CHRM3: variants seen among roughly 807,000 people sequenced by gnomAD.
The protein encoded by CHRM3 is cholinergic receptor muscarinic 3, also known as muscarinic acetylcholine receptor M3.
Under a neutral mutation model 41.8 loss-of-function variants are expected in CHRM3, and 11 were observed. That is an observed-to-expected ratio of 0.26 (90% CI 0.17 to 0.44). The LOEUF is 0.44. Ranked by LOEUF, CHRM3 falls within the 20% of genes least tolerant of loss-of-function variation. The pLI is 1.00. For synonymous variants in CHRM3, 297 were observed against 301.4 expected (o/e 0.99, Z 0.15); for missense variants, 571 against 745.4 (o/e 0.77, Z 2.72).
chr1:239,526,673 T>C (rs1218672), intron 2 of CHRM3, among the ~76,000 whole-genome samples: 70,330 of 152,016 alleles, frequency 0.46, 17,075 homozygotes, highest in Middle Eastern at 0.63. Context: ...ATTTCTGGAT[T>C]AGCGAAAAAG....
chr1:239,419,361 C>G (rs1572231028), intron 1 of CHRM3, among the ~76,000 whole-genome samples: 1 of 136,054 alleles, frequency 7.4e-6, no homozygotes, highest in Non-Finnish European at 1.6e-5. Context: ...GCCGACCCAG[C>G]CTTTTTTTTT....
chr1:239,466,746 G>A (rs987396634), intron 1 of CHRM3, among the ~76,000 whole-genome samples: 3 of 152,034 alleles, frequency 2.0e-5, no homozygotes, highest in Non-Finnish European at 2.9e-5. Flanking sequence ...TTACAGGCAT[G>A]AGCCACCGTA....
At chr1:239,643,974 A>T (rs751479310) in intron 4 of CHRM3, among the ~76,000 whole-genome samples, 1 of 152,230 alleles carries the variant, frequency 6.6e-6, no homozygotes, top group Admixed American at 6.5e-5. Context: ...ATGATAGAAA[A>T]TGTAAAAACC....
chr1:239,726,044 G>T (rs961119645), intron 5 of CHRM3, among the ~76,000 whole-genome samples: 1 of 151,898 alleles, frequency 6.6e-6, no homozygotes, highest in Non-Finnish European at 1.5e-5. Flanking sequence ...AAGAGAATTT[G>T]TATTGGAACA....
intron 1 of CHRM3, among the ~76,000 whole-genome samples, chr1:239,399,816 G>C (rs1659813084): frequency 6.6e-6 from 1 of 152,128 alleles, no homozygotes; most frequent in African/African-American, 2.4e-5. Flanking sequence ...TGGGAGTGCT[G>C]ATGTCACTTT....
intron 1 of CHRM3, among the ~76,000 whole-genome samples, chr1:239,432,515 G>A (rs934284487): frequency 1.2e-4 from 19 of 152,182 alleles, no homozygotes; most frequent in African/African-American, 4.6e-4. Flanking sequence ...ATATGTAGAT[G>A]ATGAGCAGAG....
chr1:239,453,680 A>G (rs1664724698), intron 1 of CHRM3, among the ~76,000 whole-genome samples: 1 of 152,214 alleles, frequency 6.6e-6, no homozygotes, highest in African/African-American at 2.4e-5. Flanking sequence ...TTTGTATTCT[A>G]TTAGACCATC....
At chr1:239,808,140 T>C (rs1670810624) in intron 5 of CHRM3, among the ~76,000 whole-genome samples, 1 of 152,162 alleles carries the variant, frequency 6.6e-6, no homozygotes, top group Admixed American at 6.6e-5. Context: ...AGTCCCAGTG[T>C]TTTGATGGGA....
At chr1:239,770,131 G>A (rs1325362765) in intron 5 of CHRM3, among the ~76,000 whole-genome samples, 1 of 152,130 alleles carries the variant, frequency 6.6e-6, no homozygotes, top group Non-Finnish European at 1.5e-5. Flanking sequence ...ATTCCACAGT[G>A]CTTGGAGAGT....
intron 3 of CHRM3, among the ~76,000 whole-genome samples, chr1:239,616,940 T>A (rs1030236192): frequency 2.0e-5 from 3 of 151,550 alleles, no homozygotes; most frequent in Non-Finnish European, 4.4e-5. Flanking sequence ...TGGTATAGAG[T>A]CTATGAAATC....
At chr1:239,906,638 T>C (rs1031252492) in intron 6 of CHRM3, among the ~76,000 whole-genome samples, 5 of 152,232 alleles carry the variant, frequency 3.3e-5, no homozygotes, top group African/African-American at 4.8e-5. Flanking sequence ...TTTGCAGTTT[T>C]TATATGCAAA....
At chr1:239,481,240 A>G (rs1007520441) in intron 1 of CHRM3, among the ~76,000 whole-genome samples, 1 of 151,968 alleles carries the variant, frequency 6.6e-6, no homozygotes, top group Non-Finnish European at 1.5e-5. Flanking sequence ...ATGCACAGAC[A>G]TAAACAGATA....
chr1:239,798,332 G>A (rs555995161), intron 5 of CHRM3, among the ~76,000 whole-genome samples: 5 of 152,172 alleles, frequency 3.3e-5, no homozygotes, highest in African/African-American at 9.6e-5. Flanking sequence ...GTGGGTTTTC[G>A]ATTGATGGAA....
At chr1:239,446,609 G>A (rs1440273810) in intron 1 of CHRM3, among the ~76,000 whole-genome samples, 5 of 152,056 alleles carry the variant, frequency 3.3e-5, no homozygotes, top group African/African-American at 4.8e-5. Context: ...AGTGACTGTC[G>A]ATTTCCAGTG....
intron 5 of CHRM3, among the ~76,000 whole-genome samples, chr1:239,712,626 G>C (rs188575650): frequency 1.1e-4 from 17 of 152,256 alleles, no homozygotes; most frequent in Non-Finnish European, 2.4e-4. Flanking sequence ...GCATTTCCTC[G>C]AATACTTGCA....
At chr1:239,510,656 C>T (rs544919041) in intron 2 of CHRM3, among the ~76,000 whole-genome samples, 194 of 152,042 alleles carry the variant, frequency 1.3e-3, no homozygotes, top group Non-Finnish European at 2.1e-3. Context: ...CCTGCCTCAG[C>T]CTCCCAACTA....
intron 2 of CHRM3, among the ~76,000 whole-genome samples, chr1:239,500,396 C>T (rs1169477898): frequency 7.0e-6 from 1 of 143,808 alleles, no homozygotes; most frequent in African/African-American, 2.6e-5. Context: ...TGTTCTCACT[C>T]ATAGGTGGGA....
chr1:239,802,518 C>T (rs1440845695), intron 5 of CHRM3, among the ~76,000 whole-genome samples: 1 of 152,210 alleles, frequency 6.6e-6, no homozygotes, highest in African/African-American at 2.4e-5. Context: ...AGCAGTAAAA[C>T]AGTATATCAC....
chr1:239,501,361 A>G (rs535167939), intron 2 of CHRM3, among the ~76,000 whole-genome samples: 2 of 152,374 alleles, frequency 1.3e-5, no homozygotes, highest in South Asian at 2.1e-4. Flanking sequence ...TCCTAAAGAT[A>G]GACCATATGA....
Sources: gnomAD v4.1 joint callset for allele counts (sites outside exome capture counted in the v4.1 genomes callset) on GRCh38, gnomAD v4.1.1 for gene constraint, MANE v1.5 for transcripts, NCBI Gene and HGNC (gene_info 2026-07-23, HGNC 2026-07-21) for gene names.